The following LRRC4C variants were observed in gnomAD, a reference collection of about 807,000 sequenced individuals.
The protein encoded by LRRC4C is leucine rich repeat containing 4C.
In LRRC4C, 5 loss-of-function variants were observed where a neutral mutation model predicts 33.6. The observed-to-expected ratio is 0.15, with a 90% CI of 0.08 to 0.31. The LOEUF (loss-of-function observed/expected upper bound fraction) is 0.31. Among genes scored for constraint, LRRC4C ranks in the 10% least tolerant of loss-of-function variants. The pLI, the probability that LRRC4C is intolerant of heterozygous loss-of-function variation, is 1.00. For missense variants in LRRC4C, 560 were observed against 796.7 expected, an observed-to-expected ratio of 0.70 and a Z score of 3.58; for synonymous variants, 329 against 302.0, an observed-to-expected ratio of 1.09 and a Z score of -0.93.
chr11:40,331,080 G>C (rs1340888308), intron 3 of LRRC4C, among the ~76,000 whole-genome samples: 7 of 152,090 alleles, frequency 4.6e-5, no homozygotes, highest in Admixed American at 2.6e-4. Flanking sequence ...GATACTTACT[G>C]TGTCTCACCC....
chr11:40,630,366 T>C (rs375698568), intron 3 of LRRC4C, among the ~76,000 whole-genome samples: 5 of 73,958 alleles, frequency 6.8e-5, no homozygotes, highest in South Asian at 4.0e-4. Flanking sequence ...CTTCTTCTTC[T>C]TCTTCTTCTT....
chr11:40,655,846 G>A (rs1220179688), intron 2 of LRRC4C, among the ~76,000 whole-genome samples: 1 of 152,186 alleles, frequency 6.6e-6, no homozygotes, highest in Non-Finnish European at 1.5e-5. Flanking sequence ...GCATGGCTTG[G>A]GAGACCTCAG....
intron 2 of LRRC4C, among the ~76,000 whole-genome samples, chr11:40,651,703 T>C (rs2136151773): frequency 6.6e-6 from 1 of 152,312 alleles, no homozygotes; most frequent in East Asian, 1.9e-4. Context: ...AATTTACAAC[T>C]CTGCAAATTG....
At chr11:41,189,561 T>C (rs1945854244) in intron 1 of LRRC4C, among the ~76,000 whole-genome samples, 1 of 152,156 alleles carries the variant, frequency 6.6e-6, no homozygotes, top group Non-Finnish European at 1.5e-5. Flanking sequence ...TGAAAAATAC[T>C]GAAGACTTGG....
intron 1 of LRRC4C, among the ~76,000 whole-genome samples, chr11:40,952,857 C>A (rs914128767): frequency 1.0e-5 from 1 of 96,728 alleles, no homozygotes; most frequent in Non-Finnish European, 2.1e-5. Flanking sequence ...CAAACACACA[C>A]ACACACACAC....
intron 4 of LRRC4C, among the ~76,000 whole-genome samples, chr11:40,307,649 A>G (rs896617): frequency 0.55 from 83,360 of 151,720 alleles, 24,657 homozygotes; most frequent in East Asian, 0.78. Context: ...CTGCATGAGA[A>G]TGAGATTCAT....
intron 2 of LRRC4C, among the ~76,000 whole-genome samples, chr11:40,665,325 A>AATATATAT (rs1160594156): frequency 8.9e-3 from 118 of 13,246 alleles, no homozygotes; most frequent in East Asian, 0.022. Context: ...AAAAAAAAAA[A>AATATATAT]ATATATATAT....
At chr11:41,293,350 A>C (rs1003249075) in intron 1 of LRRC4C, among the ~76,000 whole-genome samples, 1 of 152,078 alleles carries the variant, frequency 6.6e-6, no homozygotes, top group African/African-American at 2.4e-5. Flanking sequence ...TATTAGTGGT[A>C]ATATACTACT....
intron 3 of LRRC4C, among the ~76,000 whole-genome samples, chr11:40,513,248 C>CAAAAAAAAA (rs1171178910): frequency 1.3e-3 from 72 of 54,358 alleles, no homozygotes; most frequent in Non-Finnish European, 1.6e-3. Context: ...GACTCCGTCT[C>CAAAAAAAAA]AAAAAAAAAA....
At chr11:40,389,069 A>G (rs1226163096) in intron 3 of LRRC4C, among the ~76,000 whole-genome samples, 1 of 152,176 alleles carries the variant, frequency 6.6e-6, no homozygotes, top group African/African-American at 2.4e-5. Flanking sequence ...TACTTTGAGT[A>G]CTGTACTGGA....
At chr11:40,991,836 G>A (rs1441446846) in intron 1 of LRRC4C, among the ~76,000 whole-genome samples, 3 of 152,174 alleles carry the variant, frequency 2.0e-5, no homozygotes, top group Non-Finnish European at 4.4e-5. Context: ...GGAATTGGCT[G>A]TAAATACTGA....
intron 1 of LRRC4C, among the ~76,000 whole-genome samples, chr11:40,942,048 C>T (rs1366291673): frequency 5.3e-5 from 8 of 152,010 alleles, no homozygotes; most frequent in Non-Finnish European, 7.4e-5. Flanking sequence ...TTTCAGACTA[C>T]GGTGAATGTC....
At chr11:40,965,577 T>A (rs950993362) in intron 1 of LRRC4C, among the ~76,000 whole-genome samples, 1 of 152,174 alleles carries the variant, frequency 6.6e-6, no homozygotes, top group African/African-American at 2.4e-5. Flanking sequence ...AGTTTCAGCT[T>A]TCCACATATG....
intron 3 of LRRC4C, among the ~76,000 whole-genome samples, chr11:40,431,189 G>A (rs1950917574): frequency 2.7e-5 from 4 of 150,910 alleles, no homozygotes; most frequent in Admixed American, 1.3e-4. Flanking sequence ...AGCACTTTGG[G>A]AGGTTCAGGT....
intron 3 of LRRC4C, among the ~76,000 whole-genome samples, chr11:40,367,816 G>A (rs1425897448): frequency 1.3e-5 from 2 of 152,010 alleles, no homozygotes; most frequent in Non-Finnish European, 2.9e-5. Context: ...AGCTTATTAT[G>A]CAAGTTACAA....
At chr11:40,782,441 C>A (rs1364076917) in intron 2 of LRRC4C, among the ~76,000 whole-genome samples, 1 of 148,540 alleles carries the variant, frequency 6.7e-6, no homozygotes, top group Non-Finnish European at 1.5e-5. Context: ...CACCTAATTG[C>A]ATACTTTTTT....
chr11:41,067,337 T>C lies in LRRC4C; in HGVS notation c.-495-133614A>G, dbSNP rs117178225. Among the ~76,000 whole-genome samples the C allele has an allele frequency of 5.7e-4, 86 of 152,212 alleles. 1 individual carries two copies. The East Asian group carries it at 0.016, about 28-fold the overall frequency. On this transcript the variant is annotated intron_variant, in intron 1 of 6. Transcript: ENST00000528697. The stretch of plus-strand genomic sequence containing the variant: ...GACAAAGAAGGGTATAATGTAATGG[T>C]AAAGGAATCAATTCAACAAGAAGAG...
chr11:40,153,673 G>A (rs1476533590), intron 5 of LRRC4C, among the ~76,000 whole-genome samples: 1 of 151,528 alleles, frequency 6.6e-6, no homozygotes, highest in African/African-American at 2.4e-5. Flanking sequence ...CAATAGAATT[G>A]AACAAGTAGA....
chr11:40,900,768 A>G (rs1956164191), intron 2 of LRRC4C, among the ~76,000 whole-genome samples: 1 of 152,000 alleles, frequency 6.6e-6, no homozygotes, highest in South Asian at 2.1e-4. Context: ...TACTTAGATT[A>G]TATCTTTTGT....
Sources: allele counts gnomAD v4.1 joint callset (sites outside exome capture counted in the v4.1 genomes callset), GRCh38; gene constraint gnomAD v4.1.1; transcripts MANE v1.5; gene names NCBI Gene and HGNC (gene_info 2026-07-23, HGNC 2026-07-21).